The following RTTN variants were observed in gnomAD, a reference collection of about 807,000 sequenced individuals.
RTTN encodes rotatin.
RTTN carries 182 observed loss-of-function variants against 269.2 expected under a neutral mutation model. That is an observed-to-expected ratio of 0.68 (90% CI 0.60 to 0.76). RTTN has a LOEUF of 0.76. Ranked by LOEUF, RTTN falls within the 30% of genes least tolerant of loss-of-function variation. RTTN has a pLI of 0.00. For synonymous variants in RTTN, 1,006 were observed against 963.5 expected, an observed-to-expected ratio of 1.04 and a Z score of -0.82; for missense variants, 2,545 against 2,608.6, an observed-to-expected ratio of 0.98 and a Z score of 0.53.
intron 40 of RTTN, among the ~76,000 whole-genome samples, chr18:70,039,661 A>G (rs1374610270): frequency 6.6e-6 from 1 of 152,150 alleles, no homozygotes; most frequent in Non-Finnish European, 1.5e-5. Context: ...AAAAACAGAG[A>G]CTATTGTAAC....
At chr18:70,026,346 T>C (rs2056852300) in intron 43 of RTTN, among the ~76,000 whole-genome samples, 1 of 152,178 alleles carries the variant, frequency 6.6e-6, no homozygotes, top group African/African-American at 2.4e-5. Flanking sequence ...GAGGTGTTTA[T>C]ATCTTGGGGG....
intron 37 of RTTN, 97 bp from the exon 38 acceptor site, chr18:70,054,381 A>C: frequency 8.9e-7 from 1 of 1,127,888 alleles, no homozygotes; most frequent in South Asian, 1.8e-5. Flanking sequence ...TAAAAAATAA[A>C]ATATTAACCA....
intron 37 of RTTN, among the ~76,000 whole-genome samples, chr18:70,056,024 C>T (rs2057807585): frequency 6.6e-6 from 1 of 152,204 alleles, no homozygotes; most frequent in Non-Finnish European, 1.5e-5. Context: ...CCCTTTTACC[C>T]ATCCTCAATT....
At chr18:70,109,438 G>A in intron 28 of RTTN, 60 bp downstream of exon 28, 1 of 1,258,122 alleles carries the variant, frequency 7.9e-7, no homozygotes, top group Non-Finnish European at 1.2e-6. Context: ...TGCACTTGTG[G>A]CCTGGCATAA....
chr18:70,074,463 A>G (rs1034345486), intron 33 of RTTN, among the ~76,000 whole-genome samples: 2 of 152,190 alleles, frequency 1.3e-5, no homozygotes, highest in African/African-American at 4.8e-5. Context: ...TGAATCACAC[A>G]TTCACACTTA....
At chr18:70,145,912 A>C (rs2060379096) in intron 17 of RTTN, 129 bp from the exon 18 acceptor site, 1 of 538,968 alleles carries the variant, frequency 1.9e-6, no homozygotes, top group African/African-American at 1.9e-5. Flanking sequence ...TGCCATTACT[A>C]GTAATAATTT....
chr18:70,142,534 A>T, intron 18 of RTTN, 147 bp from the exon 19 acceptor site: 1 of 606,232 alleles, frequency 1.6e-6, no homozygotes, highest in East Asian at 2.8e-5. Context: ...AATTCACACA[A>T]TGCTGGGTTA....
At chr18:70,123,964 A>T (rs2059800566) in intron 25 of RTTN, among the ~76,000 whole-genome samples, 1 of 151,916 alleles carries the variant, frequency 6.6e-6, no homozygotes, top group Non-Finnish European at 1.5e-5. Context: ...CACCACACCC[A>T]TATAAGGTAT....
chr18:70,028,732 C>T lies in RTTN; in HGVS notation c.5815G>A (p.Glu1939Lys), dbSNP rs1331313311. The change falls in exon 43 of 49, where the codon GAA (glutamate) becomes AAA (lysine). Residue 1939 changes from glutamate to lysine, a missense_variant. Coordinates refer to ENST00000640769, the MANE Select transcript of RTTN (RefSeq NM_173630.4). Reference protein sequence around the residue: ...LLRNCLYQNEECKEAALEAHL... With the variant: ...LLRNCLYQNEKCKEAALEAHL... Reference sequence around the variant, plus strand: ...AAAGTAGTTCTACTTACTTTACATTCCTCATTTTGATAAAGACAGTTTCTT... The same window carrying T: ...AAAGTAGTTCTACTTACTTTACATTTCTCATTTTGATAAAGACAGTTTCTT... The T allele has an allele frequency of 6.2e-7, 1 of 1,604,300 alleles. No homozygotes were observed. The highest frequency in any genetic ancestry group is 8.5e-7 in the Non-Finnish European group (1 of 1,173,326).
intron 3 of RTTN, among the ~76,000 whole-genome samples, chr18:70,202,622 G>C (rs1047713728): frequency 6.6e-6 from 1 of 152,174 alleles, no homozygotes; most frequent in African/African-American, 2.4e-5. Context: ...CTTTATTTGT[G>C]ATGTCTTCGA....
Position 70,134,512 on chromosome 18 carries a change from A to C in RTTN, c.2915T>G (p.Leu972Trp), listed in dbSNP as rs1260614902. 2 of 1,610,878 alleles carry C rather than the reference A, an allele frequency of 1.2e-6. No individual in the cohort carries two copies. The highest frequency in any genetic ancestry group is 1.7e-6 in the Non-Finnish European group (2 of 1,178,414). Residue 972 changes from leucine to tryptophan, a missense_variant, in exon 23 of 49, where the codon TTG (leucine) becomes TGG (tryptophan). By Grantham distance (61) the Leu-to-Trp change is moderately conservative (BLOSUM62 -2). Coordinates refer to ENST00000640769, the MANE Select transcript of RTTN (RefSeq NM_173630.4). ...WSVNPSNKPS[L>W]PSVFSLPVSV... Reference sequence around the variant, plus strand: ...AACAGGCAAACTGAAGACCGATGGCAAAGAAGGTTTATTGGAAGGATTAAC... The same window carrying C: ...AACAGGCAAACTGAAGACCGATGGCCAAGAAGGTTTATTGGAAGGATTAAC...
At chr18:70,083,420 G>C (rs546411849) in intron 32 of RTTN, among the ~76,000 whole-genome samples, 2 of 152,082 alleles carry the variant, frequency 1.3e-5, no homozygotes, top group Non-Finnish European at 2.9e-5. Flanking sequence ...TAGGGGTTGG[G>C]AGAAACATTT....
intron 21 of RTTN, among the ~76,000 whole-genome samples, chr18:70,137,070 C>A (rs554068864): frequency 6.6e-6 from 1 of 152,142 alleles, no homozygotes; most frequent in Non-Finnish European, 1.5e-5. Context: ...CTAATGATAA[C>A]CAGAACAGTC....
At chr18:70,130,854 T>C (rs1024738962) in intron 23 of RTTN, 3 of 152,024 alleles carry the variant, frequency 2.0e-5, no homozygotes, top group African/African-American at 7.2e-5. Flanking sequence ...ATTACTCTGA[T>C]TTGATCATTA....
intron 38 of RTTN, among the ~76,000 whole-genome samples, chr18:70,052,486 T>A (rs2144819471): frequency 6.6e-6 from 1 of 152,278 alleles, no homozygotes; most frequent in East Asian, 1.9e-4. Flanking sequence ...ATAAAAAGGC[T>A]AAGTATAGAG....
At chr18:70,054,085 C>A in intron 38 of RTTN, 46 bp downstream of exon 38, 1 of 1,486,792 alleles carries the variant, frequency 6.7e-7, no homozygotes, top group South Asian at 1.2e-5. Context: ...GTTTTTTTTC[C>A]TCAGTATTAT....
chr18:70,054,074 AG>A (rs1290759246), intron 38 of RTTN, 56 bp downstream of exon 38: 10 of 1,399,140 alleles, frequency 7.1e-6, no homozygotes, highest in Admixed American at 1.9e-5. Flanking sequence ...AAACAGAGTA[AG>A]TTTTTTTTCC....
intron 10 of RTTN, among the ~76,000 whole-genome samples, chr18:70,183,027 C>T (rs1436449526): frequency 2.6e-5 from 4 of 152,106 alleles, no homozygotes; most frequent in African/African-American, 4.8e-5. Context: ...AAAAACTTTA[C>T]GTAAAACTTC....
rs768806680 is a variant in RTTN, at chr18:70,047,985, C to G, written c.5527G>C (p.Asp1843His). 11 of 1,613,546 alleles carry G rather than the reference C, an allele frequency of 6.8e-6. No individual in the cohort carries two copies. In the Admixed American group the frequency reaches 1.8e-4, roughly 27 times the overall value. ...AAATGACGTACCTGAAGGATTACATCACTAAGTTGTTCTAGAGATTTCTGA... is the reference window on the plus strand; with the variant it reads ...AAATGACGTACCTGAAGGATTACATGACTAAGTTGTTCTAGAGATTTCTGA... ...ENQKSLEQLS[D>H]VILQCYEGKS... The change falls in exon 40 of 49, where the codon GAT becomes CAT. Residue 1843 changes from aspartate (D) to histidine (H), a missense_variant. Physicochemically the swap from Asp to His is moderately conservative, Grantham distance 81. Transcript: ENST00000640769.
Sources: allele counts gnomAD v4.1 joint callset (sites outside exome capture counted in the v4.1 genomes callset), GRCh38; gene constraint gnomAD v4.1.1; transcripts MANE v1.5; gene names NCBI Gene and HGNC (gene_info 2026-07-23, HGNC 2026-07-21).